VPS35L: variants seen among roughly 807,000 people sequenced by gnomAD.
VPS35L encodes VPS35 endosomal protein sorting factor like, also known as VPS35 endosomal protein-sorting factor-like.
Under a neutral mutation model 133.0 loss-of-function variants are expected in VPS35L, and 83 were observed. The observed-to-expected ratio is 0.62, with a 90% CI of 0.52 to 0.75. The LOEUF is 0.75. Ranked by LOEUF, VPS35L falls within the 30% of genes least tolerant of loss-of-function variation. VPS35L has a pLI of 0.00. For missense variants in VPS35L, 1,083 were observed against 1,206.8 expected (o/e 0.90, Z 1.52); for synonymous variants, 423 against 449.9 (o/e 0.94, Z 0.76).
chr16:19,634,529 G>C (rs1973565809), intron 19 of VPS35L, among the ~76,000 whole-genome samples: 1 of 151,904 alleles, frequency 6.6e-6, no homozygotes, highest in Admixed American at 6.6e-5. Context: ...AATGGAATTA[G>C]AACAGTAACA....
Position 19,652,102 on chromosome 16 carries a change from A to G in VPS35L, c.2221+12A>G, listed in dbSNP as rs1294361674. ...GTGCCTCTCCCAAGGTAAGTCCATC[A>G]TTCTCTCATCTCGGGCACTCCCTTG... On this transcript the variant is annotated intron_variant, in intron 26 of 30. Transcript: ENST00000417362. The G allele has an allele frequency of 2.6e-6, 4 of 1,534,572 alleles. No individual in the cohort carries two copies. In the South Asian group the frequency reaches 4.6e-5, roughly 18 times the overall value.
At chr16:19,602,580 C>G (rs1012678925) in intron 9 of VPS35L, among the ~76,000 whole-genome samples, 1 of 151,914 alleles carries the variant, frequency 6.6e-6, no homozygotes, top group African/African-American at 2.4e-5. Context: ...TGCTTCCTAT[C>G]TGTCCATCAA....
intron 27 of VPS35L, among the ~76,000 whole-genome samples, chr16:19,672,286 C>T (rs924003305): frequency 1.3e-5 from 2 of 152,154 alleles, no homozygotes; most frequent in African/African-American, 4.8e-5. Context: ...TTCAGTGATT[C>T]AGGGGTAAGT....
intron 27 of VPS35L, among the ~76,000 whole-genome samples, chr16:19,679,694 G>A (rs1440174514): frequency 1.3e-5 from 2 of 151,786 alleles, no homozygotes; most frequent in East Asian, 1.9e-4. Flanking sequence ...TAGTAGAAAC[G>A]GGGTTTCGCC....
intron 26 of VPS35L, among the ~76,000 whole-genome samples, chr16:19,659,786 A>G (rs531977528): frequency 6.6e-6 from 1 of 152,228 alleles, no homozygotes; most frequent in South Asian, 2.1e-4. Flanking sequence ...ATTGCAGGCA[A>G]AGTTTTCAGG....
intron 9 of VPS35L, among the ~76,000 whole-genome samples, chr16:19,604,577 C>T (rs1972485756): frequency 6.6e-6 from 1 of 152,006 alleles, no homozygotes; most frequent in Non-Finnish European, 1.5e-5. Context: ...GTTCCAAGAA[C>T]CTGAAAAGAA....
At chr16:19,587,934 G>C (rs1971923257) in intron 7 of VPS35L, among the ~76,000 whole-genome samples, 1 of 150,948 alleles carries the variant, frequency 6.6e-6, no homozygotes, top group South Asian at 2.1e-4. Context: ...CCAGTAGCTG[G>C]GATTATAGGT....
chr16:19,687,729 A>C (rs1002248603), intron 28 of VPS35L, among the ~76,000 whole-genome samples: 25 of 152,322 alleles, frequency 1.6e-4, no homozygotes, highest in Middle Eastern at 3.4e-3. Flanking sequence ...AAAAAAAAAA[A>C]ATTATGTGTG....
intron 2 of VPS35L, 121 bp from the exon 3 acceptor site, chr16:19,569,303 A>T: frequency 9.0e-7 from 1 of 1,113,444 alleles, no homozygotes; most frequent in South Asian, 1.3e-5. Flanking sequence ...CAGATGGTTA[A>T]GTCTCTGCTG....
chr16:19,638,067 C>T (rs947755064), intron 20 of VPS35L, among the ~76,000 whole-genome samples: 7 of 152,134 alleles, frequency 4.6e-5, no homozygotes, highest in Non-Finnish European at 1.0e-4. Flanking sequence ...CAGTGTCTGA[C>T]AGTTGAGATT....
chr16:19,579,191 G>A, intron 6 of VPS35L, 63 bp downstream of exon 6: 1 of 1,464,556 alleles, frequency 6.8e-7, no homozygotes, highest in Admixed American at 1.8e-5. Flanking sequence ...TGCCAAGTGA[G>A]ATCAACCTCG....
chr16:19,578,391 A>T (rs777484284), intron 5 of VPS35L: 1 of 421,476 alleles, frequency 2.4e-6, no homozygotes, highest in South Asian at 1.7e-5. Context: ...AAAAAATGCT[A>T]GAACAGAGGC....
chr16:19,695,048 C>T (rs1597447039), intron 29 of VPS35L, among the ~76,000 whole-genome samples: 1 of 152,038 alleles, frequency 6.6e-6, no homozygotes, highest in African/African-American at 2.4e-5. Context: ...GATCCGCCCA[C>T]CTTGGCCTTG....
intron 7 of VPS35L, 136 bp from the exon 8 acceptor site, chr16:19,591,654 C>A: frequency 1.6e-6 from 1 of 615,460 alleles, no homozygotes; most frequent in Non-Finnish European, 2.8e-6. Context: ...ATTGTATGCT[C>A]AGCACCTCGC....
intron 8 of VPS35L, among the ~76,000 whole-genome samples, chr16:19,593,924 A>C (rs1282869955): frequency 1.3e-5 from 2 of 151,968 alleles, no homozygotes; most frequent in Non-Finnish European, 2.9e-5. Flanking sequence ...CTCCAAAAAA[A>C]AAAAAGAAAA....
chr16:19,609,430 C>A (rs553806447), intron 11 of VPS35L, among the ~76,000 whole-genome samples: 2 of 152,262 alleles, frequency 1.3e-5, no homozygotes, highest in Non-Finnish European at 2.9e-5. Flanking sequence ...ATGAGAGTCA[C>A]CCCTGGCACA....
intron 27 of VPS35L, among the ~76,000 whole-genome samples, chr16:19,674,199 T>C (rs1003235369): frequency 7.3e-6 from 1 of 137,302 alleles, no homozygotes; most frequent in African/African-American, 2.9e-5. Context: ...TTTTTTTTTT[T>C]TTTTTTTTTT....
chr16:19,688,496 CCGAGGCA>C (rs1975544185), intron 28 of VPS35L, among the ~76,000 whole-genome samples: 2 of 152,186 alleles, frequency 1.3e-5, no homozygotes, highest in South Asian at 4.1e-4. Flanking sequence ...CAACCACACC[CCGAGGCA>C]CAGGCATGGC....
intron 27 of VPS35L, among the ~76,000 whole-genome samples, chr16:19,672,956 G>A (rs919677598): frequency 2.0e-5 from 3 of 152,162 alleles, no homozygotes; most frequent in Non-Finnish European, 4.4e-5. Context: ...AAAATCACTG[G>A]AGCCTTTTTG....
Sources: gnomAD v4.1 joint callset for allele counts (sites outside exome capture counted in the v4.1 genomes callset) on GRCh38, gnomAD v4.1.1 for gene constraint, MANE v1.5 for transcripts, NCBI Gene and HGNC (gene_info 2026-07-23, HGNC 2026-07-21) for gene names.